The following UBR3 variants were observed in gnomAD, a reference collection of about 807,000 sequenced individuals.
The protein encoded by UBR3 is ubiquitin protein ligase E3 component n-recognin 3.
A neutral mutation model predicts 243.2 loss-of-function variants in UBR3; 85 were observed. The observed-to-expected ratio is 0.35, with a 90% CI of 0.29 to 0.42. UBR3 has a LOEUF of 0.42. Among genes scored for constraint, UBR3 ranks in the 10% least tolerant of loss-of-function variants. The pLI is 1.00. For synonymous variants in UBR3, 748 were observed against 799.8 expected (o/e 0.94, Z 1.09); for missense variants, 1,686 against 2,300.8 (o/e 0.73, Z 5.47).
chr2:170,070,970 G>C (rs2105454731), intron 35 of UBR3, among the ~76,000 whole-genome samples: 1 of 152,222 alleles, frequency 6.6e-6, no homozygotes, highest in East Asian at 1.9e-4. Context: ...CACTTGAATA[G>C]ATACTTCTTA....
intron 24 of UBR3, 25 bp from the exon 25 acceptor site, chr2:169,986,620 A>G: frequency 6.3e-7 from 1 of 1,591,980 alleles, no homozygotes; most frequent in Non-Finnish European, 8.5e-7. Flanking sequence ...TAAGGAATTA[A>G]AGAGATGTAA....
At chr2:169,900,338 G>A (rs2105330384) in intron 8 of UBR3, among the ~76,000 whole-genome samples, 2 of 152,154 alleles carry the variant, frequency 1.3e-5, no homozygotes, top group Middle Eastern at 6.8e-3. Context: ...CTTTTTGATA[G>A]GATTGTTTTT....
intron 1 of UBR3, among the ~76,000 whole-genome samples, chr2:169,857,900 C>G (rs1165595502): frequency 6.6e-6 from 1 of 152,114 alleles, no homozygotes; most frequent in Non-Finnish European, 1.5e-5. Flanking sequence ...CACCACCACG[C>G]CTGCCTAAAT....
chr2:169,906,534 G>A (rs1208116190), intron 10 of UBR3, among the ~76,000 whole-genome samples: 1 of 151,786 alleles, frequency 6.6e-6, no homozygotes, highest in African/African-American at 2.4e-5. Context: ...CCTTCCAGTG[G>A]TTGTTATATA....
intron 9 of UBR3, 68 bp downstream of exon 9, chr2:169,905,361 A>G: frequency 8.2e-7 from 1 of 1,223,122 alleles, no homozygotes; most frequent in South Asian, 2.1e-5. Flanking sequence ...ATTAAATATC[A>G]ATTAAAATAC....
At chr2:170,046,192 C>T (rs2091084183) in intron 32 of UBR3, among the ~76,000 whole-genome samples, 1 of 152,100 alleles carries the variant, frequency 6.6e-6, no homozygotes. Flanking sequence ...GTCTGAATAT[C>T]CTGACCTTGT....
intron 24 of UBR3, among the ~76,000 whole-genome samples, chr2:169,962,124 C>T (rs1037067549): frequency 4.6e-5 from 7 of 152,058 alleles, no homozygotes; most frequent in Admixed American, 1.3e-4. Context: ...AGTATCCCTG[C>T]GGAGGCCCAT....
At chr2:170,073,311 G>T in intron 35 of UBR3, 117 bp from the exon 36 acceptor site, 1 of 1,167,024 alleles carries the variant, frequency 8.6e-7, no homozygotes, top group Non-Finnish European at 1.2e-6. Context: ...TTTTTCAGTT[G>T]ACTCAGTTAA....
chr2:170,080,917 G>C (rs183502453), intron 38 of UBR3, among the ~76,000 whole-genome samples: 1 of 152,146 alleles, frequency 6.6e-6, no homozygotes, highest in African/African-American at 2.4e-5. Flanking sequence ...CGTTGGCCAG[G>C]CCCAGTGGCT....
chr2:170,031,694 A>G (rs1239298730), intron 31 of UBR3, among the ~76,000 whole-genome samples: 1 of 152,006 alleles, frequency 6.6e-6, no homozygotes, highest in African/African-American at 2.4e-5. Flanking sequence ...CTCTTCTAGT[A>G]GTCCTCAGTG....
intron 30 of UBR3, among the ~76,000 whole-genome samples, chr2:170,017,233 G>T: frequency 6.6e-6 from 1 of 150,610 alleles, no homozygotes; most frequent in Middle Eastern, 3.4e-3. Flanking sequence ...TTTTTCTAGG[G>T]AAATATCTTA....
intron 6 of UBR3, among the ~76,000 whole-genome samples, chr2:169,893,804 T>C (rs2084468803): frequency 6.6e-6 from 1 of 152,124 alleles, no homozygotes; most frequent in Non-Finnish European, 1.5e-5. Context: ...TCAAGCCATG[T>C]GCCCACCTCA....
intron 8 of UBR3, among the ~76,000 whole-genome samples, chr2:169,899,620 T>A (rs2084733214): frequency 6.6e-6 from 1 of 152,172 alleles, no homozygotes; most frequent in African/African-American, 2.4e-5. Flanking sequence ...CAACCTGTCA[T>A]CTACATTAGG....
chr2:169,991,282 A>G (rs544046442), intron 25 of UBR3, among the ~76,000 whole-genome samples: 1 of 152,340 alleles, frequency 6.6e-6, no homozygotes, highest in Non-Finnish European at 1.5e-5. Flanking sequence ...ACAACTAGAC[A>G]GAAGATCAGA....
intron 25 of UBR3, among the ~76,000 whole-genome samples, chr2:169,989,609 G>T (rs1473646320): frequency 1.3e-5 from 2 of 152,088 alleles, no homozygotes; most frequent in Non-Finnish European, 2.9e-5. Context: ...TTCTATAAAA[G>T]AAATTTCACT....
chr2:169,984,460 CTG>C (rs1382511154), intron 24 of UBR3, among the ~76,000 whole-genome samples: 2 of 152,136 alleles, frequency 1.3e-5, no homozygotes, highest in Non-Finnish European at 2.9e-5. Flanking sequence ...ACTTGTGACT[CTG>C]TATATTAGTT....
At chr2:169,841,500 G>A (rs1293634247) in intron 1 of UBR3, among the ~76,000 whole-genome samples, 1 of 152,192 alleles carries the variant, frequency 6.6e-6, no homozygotes, top group Non-Finnish European at 1.5e-5. Context: ...CAAGGCTGGA[G>A]CCCACTTCCT....
intron 1 of UBR3, among the ~76,000 whole-genome samples, chr2:169,857,073 T>G (rs1206220874): frequency 8.2e-6 from 1 of 122,008 alleles, no homozygotes; most frequent in African/African-American, 3.1e-5. Context: ...TGTTTTTTTT[T>G]TTTTTTTTTT....
At chr2:170,056,548 A>G (rs964565737) in intron 33 of UBR3, among the ~76,000 whole-genome samples, 2 of 152,214 alleles carry the variant, frequency 1.3e-5, no homozygotes, top group Non-Finnish European at 2.9e-5. Flanking sequence ...AAATTGCTTC[A>G]GTGTTTATTT....
Sources: allele counts gnomAD v4.1 joint callset (sites outside exome capture counted in the v4.1 genomes callset), GRCh38; gene constraint gnomAD v4.1.1; transcripts MANE v1.5; gene names NCBI Gene and HGNC (gene_info 2026-07-23, HGNC 2026-07-21).